Variants in INPP5F observed in about 807,000 individuals in gnomAD.
The protein encoded by INPP5F is phosphatidylinositide 4-phosphatase SAC2.
In INPP5F, 97 loss-of-function variants were observed where a neutral mutation model predicts 137.2. The observed-to-expected ratio is 0.71, with a 90% confidence interval of 0.60 to 0.84. The LOEUF (loss-of-function observed/expected upper bound fraction) is 0.84, where lower values mean the gene tolerates loss of function less well. INPP5F is among the 40% of genes least tolerant of loss of function. INPP5F has a pLI of 0.00. For synonymous variants in INPP5F, 504 were observed against 476.9 expected (o/e 1.06, Z -0.74); for missense variants, 1,271 against 1,371.9 (o/e 0.93, Z 1.16).
At chr10:119,747,043 C>T (rs1279438732) in intron 1 of INPP5F, among the ~76,000 whole-genome samples, 2 of 152,064 alleles carry the variant, frequency 1.3e-5, no homozygotes, top group South Asian at 2.1e-4. Flanking sequence ...CCTGCCTCGG[C>T]CTTCCGAAGT....
At chr10:119,786,193 C>T (rs1447116191) in intron 3 of INPP5F, among the ~76,000 whole-genome samples, 3 of 152,230 alleles carry the variant, frequency 2.0e-5, no homozygotes, top group South Asian at 2.1e-4. Flanking sequence ...AAGTTGCAAG[C>T]GTAATTTAAA....
chr10:119,801,862 G>A (rs570931324), intron 9 of INPP5F, among the ~76,000 whole-genome samples: 45 of 152,210 alleles, frequency 3.0e-4, no homozygotes, highest in Non-Finnish European at 5.6e-4. Context: ...GGAAATAACC[G>A]CCTCCCACAC....
rs1387353706 is a variant in INPP5F at position 119,787,378 on chromosome 10, A to C, written c.316-4139A>C. ...GGCAAGCAGATAACTTGAGGTCAGG[A>C]GTTCAAGACCAGCCTGGCCAACATG... On this transcript the variant is annotated intron_variant, in intron 3 of 19. Coordinates refer to ENST00000650623, the MANE Select transcript of INPP5F (RefSeq NM_014937.4). This position sits in a 1 kb window ranked among gnomAD's most constrained non-coding sequence, Gnocchi z 4.1. Among the ~76,000 whole-genome samples the C allele has an allele frequency of 6.6e-6, 1 of 152,172 alleles. No homozygotes were observed. Among genetic ancestry groups the C allele is most frequent in the Non-Finnish European group, 1.5e-5 (1 of 68,032 alleles).
At chr10:119,795,251 G>A (rs1453625291) in intron 6 of INPP5F, among the ~76,000 whole-genome samples, 2 of 150,892 alleles carry the variant, frequency 1.3e-5, no homozygotes, top group African/African-American at 2.4e-5. Flanking sequence ...TGGCCGGGCG[G>A]GGGGCTGACC....
chr10:119,751,157 G>A lies in INPP5F; in HGVS notation c.178+1G>A, dbSNP rs200795091. On this transcript the variant is annotated splice_donor_variant, in intron 2 of 19. Coordinates refer to ENST00000650623, the MANE Select transcript of INPP5F (RefSeq NM_014937.4). LOFTEE classifies it high-confidence loss of function. ...ATTGGGAAAATTCAACTTCATTCAGGTATGTTTCTATAAACTCCTTAAACT... is the reference window on the plus strand; with the variant it reads ...ATTGGGAAAATTCAACTTCATTCAGATATGTTTCTATAAACTCCTTAAACT... 2.5e-6 allele frequency: 4 copies of A among 1,580,534 alleles called. No individual in the cohort carries two copies.
In INPP5F at chr10:119,823,719, G is replaced by A. The variant is rs368792648; in HGVS notation, c.2162-96G>A. 135 of 809,210 alleles carry A rather than the reference G, an allele frequency of 1.7e-4. No individual in the cohort carries two copies. The East Asian group carries it at 3.3e-3, about 20-fold the overall frequency. The allele number at this position is 809,210 out of a possible 1,614,324, so 50.1% of individuals were successfully genotyped here. ...CAAATAAATTTGTATTTAATTATAC[G>A]ACGACAAATTTCATTCAGCGCTAAA... On this transcript the variant is annotated intron_variant, in intron 18 of 19. Transcript: ENST00000650623.
At chr10:119,806,598 T>C (rs956068859) in intron 12 of INPP5F, 118 bp downstream of exon 12, 12 of 912,370 alleles carry the variant, frequency 1.3e-5, no homozygotes, top group African/African-American at 3.4e-5. Context: ...ATTTACAATA[T>C]ACAAACACCC....
intron 2 of INPP5F, among the ~76,000 whole-genome samples, chr10:119,774,791 T>C (rs192668389): frequency 1.1e-4 from 16 of 152,266 alleles, no homozygotes; most frequent in African/African-American, 3.9e-4. Flanking sequence ...ATATTATTGG[T>C]TTCTCAAGGT....
chr10:119,786,820 A>G (rs1208353496), intron 3 of INPP5F, among the ~76,000 whole-genome samples: 4 of 152,094 alleles, frequency 2.6e-5, no homozygotes, highest in Admixed American at 6.6e-5. Flanking sequence ...GCACCTGGCC[A>G]GTAATTTTAG....
chr10:119,796,643 C>G lies in INPP5F; in HGVS notation c.670-72C>G, dbSNP rs143032805. The G allele has an allele frequency of 5.6e-4, 622 of 1,107,874 alleles. 7 individuals are homozygous for G. In the East Asian group the frequency reaches 0.014, roughly 26 times the overall value. The allele number at this position is 1,107,874 out of a possible 1,614,324, so 68.6% of individuals were successfully genotyped here. On this transcript the variant is annotated intron_variant, in intron 6 of 19. Coordinates refer to ENST00000650623, the MANE Select transcript of INPP5F (RefSeq NM_014937.4). The stretch of plus-strand genomic sequence containing the variant: ...TAATAAACTGAGAAATATGTGCTGA[C>G]TACTGTTTGGGTTTAAGAAAGTAGC...
At chr10:119,820,609 T>C (rs1190784742) in intron 15 of INPP5F, among the ~76,000 whole-genome samples, 1 of 152,226 alleles carries the variant, frequency 6.6e-6, no homozygotes, top group Non-Finnish European at 1.5e-5. Flanking sequence ...CTCCTTTGGC[T>C]GCCTTTCTCT....
chr10:119,783,533 G>T (rs1849776286), intron 3 of INPP5F, among the ~76,000 whole-genome samples: 1 of 152,158 alleles, frequency 6.6e-6, no homozygotes, highest in Non-Finnish European at 1.5e-5. Flanking sequence ...TCAGGGAGGT[G>T]TTCTGATGTC....
intron 13 of INPP5F, among the ~76,000 whole-genome samples, chr10:119,809,285 C>CT (rs1251637858): frequency 2.0e-5 from 3 of 149,072 alleles, no homozygotes; most frequent in Admixed American, 6.7e-5. Flanking sequence ...AAATACTTCT[C>CT]TTTTTTGCCC....
At chr10:119,758,367 A>C (rs371858353) in intron 2 of INPP5F, among the ~76,000 whole-genome samples, 3 of 152,300 alleles carry the variant, frequency 2.0e-5, no homozygotes, top group Admixed American at 6.5e-5. Context: ...GCAGCTGTGC[A>C]AAAGGCCCGG....
At chr10:119,816,815 T>A (rs1164423375) in intron 15 of INPP5F, among the ~76,000 whole-genome samples, 3 of 152,210 alleles carry the variant, frequency 2.0e-5, no homozygotes, top group East Asian at 1.9e-4. Flanking sequence ...TCCTGGAATA[T>A]GTGTGTGTGT....
chr10:119,766,724 T>G (rs1849175503), intron 2 of INPP5F, among the ~76,000 whole-genome samples: 1 of 152,086 alleles, frequency 6.6e-6, no homozygotes, highest in South Asian at 2.1e-4. Flanking sequence ...TGTCCAGAAT[T>G]TTATACCTTC....
intron 1 of INPP5F, among the ~76,000 whole-genome samples, chr10:119,745,699 CTTTTTTTTTT>C (rs35485618): frequency 1.1e-5 from 1 of 90,546 alleles, no homozygotes; most frequent in Non-Finnish European, 2.0e-5. Context: ...AGGCTCATTC[CTTTTTTTTTT>C]TTTTTTTTTT....
At chr10:119,757,759 C>G (rs181490542) in intron 2 of INPP5F, among the ~76,000 whole-genome samples, 385 of 152,172 alleles carry the variant, frequency 2.5e-3, no homozygotes, top group Non-Finnish European at 3.4e-3. Context: ...CCACTGCACT[C>G]CAGCCTGGGT....
At chr10:119,763,147 G>A (rs1849055203) in intron 2 of INPP5F, among the ~76,000 whole-genome samples, 1 of 152,212 alleles carries the variant, frequency 6.6e-6, no homozygotes, top group Non-Finnish European at 1.5e-5. Flanking sequence ...TGGAGCCCTA[G>A]TAAGTCCAAA....
Sources: allele counts gnomAD v4.1 joint callset (sites outside exome capture counted in the v4.1 genomes callset), GRCh38; gene constraint gnomAD v4.1.1; non-coding constraint Gnocchi (gnomAD v3.1); transcripts MANE v1.5; gene names NCBI Gene and HGNC (gene_info 2026-07-23, HGNC 2026-07-21).